Variants in SEMA5A observed in about 807,000 individuals in gnomAD.
SEMA5A encodes semaphorin 5A.
SEMA5A carries 55 observed loss-of-function variants against 135.5 expected under a neutral mutation model. The observed-to-expected ratio is 0.41, with a 90% CI of 0.33 to 0.51. SEMA5A has a LOEUF of 0.51. Ranked by LOEUF, SEMA5A falls within the 20% of genes least tolerant of loss-of-function variation. The pLI, the probability that SEMA5A is intolerant of heterozygous loss-of-function variation, is 0.37. For missense variants in SEMA5A, 1,290 were observed against 1,419.9 expected (o/e 0.91, Z 1.47); for synonymous variants, 580 against 546.5 (o/e 1.06, Z -0.85).
chr5:9,485,624 G>A (rs1356027860), intron 1 of SEMA5A, among the ~76,000 whole-genome samples: 1 of 152,168 alleles, frequency 6.6e-6, no homozygotes, highest in Non-Finnish European at 1.5e-5. Context: ...GTGACCGCTT[G>A]GGCTATAGAG....
chr5:9,050,464 AAAG>A lies in SEMA5A; in HGVS notation c.2846-10_2846-8del, dbSNP rs1243385038. 1 of 1,612,186 alleles carries A rather than the reference AAAG, an allele frequency of 6.2e-7. No individual in the cohort carries two copies. The highest frequency in any genetic ancestry group is 1.3e-5 in the African/African-American group (1 of 74,902). On this transcript the variant is annotated splice_polypyrimidine_tract_variant and splice_region_variant and intron_variant, in intron 20 of 22. Coordinates refer to ENST00000382496, the MANE Select transcript of SEMA5A (RefSeq NM_003966.3). ...GATCTTGCCACAGATACTTCTGGAA[AAAG>A]AAAAGTCGAATCACAATGTGTAAAA...
chr5:9,084,528 G>A (rs1276151396), intron 16 of SEMA5A, among the ~76,000 whole-genome samples: 2 of 152,130 alleles, frequency 1.3e-5, no homozygotes, highest in East Asian at 3.8e-4. Context: ...AGATAAAATG[G>A]TTTTAAAAAC....
chr5:9,253,182 A>G (rs1202478655), intron 5 of SEMA5A, among the ~76,000 whole-genome samples: 1 of 152,300 alleles, frequency 6.6e-6, no homozygotes, highest in African/African-American at 2.4e-5. Flanking sequence ...TGTCTGAAAC[A>G]AGTAATGCTA....
chr5:9,169,634 G>A (rs75470209), intron 11 of SEMA5A, among the ~76,000 whole-genome samples: 2,892 of 152,150 alleles, frequency 0.019, 88 homozygotes, highest in African/African-American at 0.065. Flanking sequence ...ATAAAACCCT[G>A]GCATAGTCAG....
intron 6 of SEMA5A, among the ~76,000 whole-genome samples, chr5:9,230,155 T>TCTC (rs1747543793): frequency 6.8e-6 from 1 of 146,870 alleles, no homozygotes; most frequent in South Asian, 2.1e-4. Flanking sequence ...TGGCTATTTT[T>TCTC]TTCTTTTTTT....
intron 1 of SEMA5A, among the ~76,000 whole-genome samples, chr5:9,464,972 C>A (rs1205103080): frequency 1.3e-5 from 2 of 152,164 alleles, no homozygotes; most frequent in East Asian, 3.9e-4. Context: ...TCCTAGTAAT[C>A]CCCAAAAATG....
chr5:9,513,590 G>T (rs1034890111), intron 1 of SEMA5A, among the ~76,000 whole-genome samples: 23 of 152,126 alleles, frequency 1.5e-4, no homozygotes, highest in Non-Finnish European at 2.8e-4. Context: ...GTATGATATT[G>T]TGGCGGCGGC....
intron 13 of SEMA5A, among the ~76,000 whole-genome samples, chr5:9,124,837 C>A (rs768544560): frequency 1.4e-4 from 21 of 152,132 alleles, no homozygotes; most frequent in Non-Finnish European, 2.6e-4. Flanking sequence ...GATGAGTGAA[C>A]CGCATGCTTT....
At position 9,392,974 on chromosome 5, in the gene SEMA5A, T is replaced by A. The variant is rs1756232546; in HGVS notation, c.-77-12951A>T. 2.0e-5 allele frequency among the ~76,000 whole-genome samples: 3 copies of A among 152,196 alleles called. 1 individual carries two copies. In the South Asian group the frequency reaches 6.2e-4, roughly 31 times the overall value. On this transcript the variant is annotated intron_variant, in intron 2 of 22. Transcript: ENST00000382496. ...CAGCCTATTAGGTGAAACTTAGGAATACAAAGTCAGTACAGAATTAGCTTC... is the reference window on the plus strand; with the variant it reads ...CAGCCTATTAGGTGAAACTTAGGAAAACAAAGTCAGTACAGAATTAGCTTC...
At chr5:9,114,849 AGTAAAAGCTGATGT>A (rs1740430207) in intron 15 of SEMA5A, among the ~76,000 whole-genome samples, 1 of 152,246 alleles carries the variant, frequency 6.6e-6, no homozygotes, top group African/African-American at 2.4e-5. Context: ...GTTGGAATAC[AGTAAAAGCTGATGT>A]AGTGACTGTA....
chr5:9,336,881 T>C (rs1753416249), intron 4 of SEMA5A, among the ~76,000 whole-genome samples: 1 of 152,202 alleles, frequency 6.6e-6, no homozygotes, highest in South Asian at 2.1e-4. Context: ...TAATGAACTC[T>C]CCACTGCCCA....
chr5:9,125,669 G>C (rs1196674812), intron 13 of SEMA5A, among the ~76,000 whole-genome samples: 1 of 151,990 alleles, frequency 6.6e-6, no homozygotes, highest in East Asian at 1.9e-4. Flanking sequence ...CCATTTCCAA[G>C]GTCTCGGTGG....
At position 9,224,890 on chromosome 5, in the gene SEMA5A, G is replaced by T. The variant is rs1379404622; in HGVS notation, c.433-3C>A. On this transcript the variant is annotated splice_region_variant and splice_polypyrimidine_tract_variant and intron_variant, in intron 7 of 22. Transcript: ENST00000382496. ...TGGATCTCAGTCAGGTTGCTCAACT[G>T]TGGGGGAGGATGAGAGGGAAAGCAG... The T allele has an allele frequency of 6.2e-7, 1 of 1,610,618 alleles. No homozygotes were observed. The highest frequency in any genetic ancestry group is 1.1e-5 in the South Asian group (1 of 90,914).
chr5:9,110,999 G>A (rs559169104), intron 15 of SEMA5A, among the ~76,000 whole-genome samples: 20 of 152,312 alleles, frequency 1.3e-4, no homozygotes, highest in African/African-American at 4.6e-4. Context: ...TAGGAAGTAC[G>A]TGCAAATGTG....
chr5:9,343,265 C>T (rs1412036870), intron 3 of SEMA5A, among the ~76,000 whole-genome samples: 1 of 152,182 alleles, frequency 6.6e-6, no homozygotes, highest in Admixed American at 6.5e-5. Flanking sequence ...ATGTACTGAT[C>T]TGCTTTATTG....
At chr5:9,388,377 T>A (rs1425447240) in intron 2 of SEMA5A, among the ~76,000 whole-genome samples, 1 of 151,476 alleles carries the variant, frequency 6.6e-6, no homozygotes, top group African/African-American at 2.4e-5. Context: ...ACAAAGGCAA[T>A]ATTAATTTTA....
chr5:9,145,930 C>A (rs1742311043), intron 12 of SEMA5A, among the ~76,000 whole-genome samples: 1 of 152,002 alleles, frequency 6.6e-6, no homozygotes, highest in African/African-American at 2.4e-5. Flanking sequence ...CAGGTGTGAG[C>A]CACTGCACCT....
intron 10 of SEMA5A, 22 bp from the exon 11 acceptor site, chr5:9,190,493 G>T: frequency 6.2e-7 from 1 of 1,609,704 alleles, no homozygotes; most frequent in Non-Finnish European, 8.5e-7. Flanking sequence ...GACGGGCCAG[G>T]TTACCAGAGC....
At chr5:9,225,626 AT>A (rs1481014838) in intron 7 of SEMA5A, among the ~76,000 whole-genome samples, 4 of 152,004 alleles carry the variant, frequency 2.6e-5, no homozygotes, top group African/African-American at 4.8e-5. Flanking sequence ...GCAAAATATA[AT>A]GAATAGCCCC....
Sources: allele counts gnomAD v4.1 joint callset (sites outside exome capture counted in the v4.1 genomes callset), GRCh38; gene constraint gnomAD v4.1.1; transcripts MANE v1.5; gene names NCBI Gene and HGNC (gene_info 2026-07-23, HGNC 2026-07-21).